The following CSMD1 variants were observed in gnomAD, a reference collection of about 807,000 sequenced individuals.
CSMD1 encodes the protein CUB and Sushi multiple domains 1, also known as CUB and sushi domain-containing protein 1.
CSMD1 carries 213 observed loss-of-function variants against 417.5 expected under a neutral mutation model. The ratio of observed to expected loss-of-function variants is 0.51; its 90% CI spans 0.46 to 0.57. CSMD1 has a LOEUF of 0.57. Among genes scored for constraint, CSMD1 ranks in the 20% least tolerant of loss-of-function variants. The pLI, the probability that CSMD1 is intolerant of heterozygous loss-of-function variation, is 0.00. For synonymous variants in CSMD1, 2,862 were observed against 1,736.8 expected (o/e 1.65, Z -16.11); for missense variants, 6,923 against 4,529.7 (o/e 1.53, Z -15.17).
intron 5 of CSMD1, among the ~76,000 whole-genome samples, chr8:3,880,929 C>A (rs977961236): frequency 1.5e-4 from 23 of 152,106 alleles, no homozygotes; most frequent in African/African-American, 1.2e-4. Flanking sequence ...CCAAGTATTA[C>A]ATTGGATGCA....
At chr8:4,249,620 C>T (rs1413027311) in intron 3 of CSMD1, among the ~76,000 whole-genome samples, 1 of 152,286 alleles carries the variant, frequency 6.6e-6, no homozygotes, top group East Asian at 1.9e-4. Context: ...AATGTTTTCT[C>T]TGCTCAACAC....
chr8:3,575,214 G>A (rs951788496), intron 9 of CSMD1, 148 bp from the exon 10 acceptor site: 4 of 825,032 alleles, frequency 4.8e-6, no homozygotes, highest in African/African-American at 1.7e-5. Context: ...ACTGGGGCAT[G>A]GACTCCAGTC....
rs182694791 is a variant in CSMD1 at position 4,295,282 on chromosome 8, A to G, written c.415+124671T>C. 3.7e-3 allele frequency among the ~76,000 whole-genome samples: 385 copies of G among 105,102 alleles called. 1 individual carries two copies. Among genetic ancestry groups the G allele is most frequent in the African/African-American group, 0.012 (369 of 32,052 alleles). The allele number at this position is 105,102 out of a possible 152,430, so 69.0% of individuals were successfully genotyped here. A position where few individuals can be genotyped will look rare whatever the true frequency, so the allele number is the denominator to read the frequency against. On this transcript the variant is annotated intron_variant, in intron 3 of 69. Coordinates refer to ENST00000635120, the MANE Select transcript of CSMD1 (RefSeq NM_033225.6). ...TCTATATAATCTTAAGATTATATGC[A>G]CATATAATCTTAAGATTATCTATAT... is the stretch of plus-strand genomic sequence containing the variant.
At position 4,155,117 on chromosome 8, in the gene CSMD1, C is replaced by G. The variant is rs61413053; in HGVS notation, c.416-123018G>C. 7.7e-3 allele frequency among the ~76,000 whole-genome samples: 1,168 copies of G among 152,286 alleles called. 18 individuals carry two copies. Among genetic ancestry groups the G allele is most frequent in the African/African-American group, 0.021 (883 of 41,546 alleles). ...ATGCCTACAGTGGCCACATGACGCG[C>G]ATGCACTATTGTTCCCATGCTACAG... is the stretch of plus-strand genomic sequence containing the variant. On this transcript the variant is annotated intron_variant, in intron 3 of 69. Coordinates refer to ENST00000635120, the MANE Select transcript of CSMD1 (RefSeq NM_033225.6).
chr8:4,765,992 T>A (rs1025062400), intron 1 of CSMD1, among the ~76,000 whole-genome samples: 1 of 152,342 alleles, frequency 6.6e-6, no homozygotes, highest in South Asian at 2.1e-4. Context: ...ATGTATTACA[T>A]AGTTTGGCAT....
intron 18 of CSMD1, among the ~76,000 whole-genome samples, chr8:3,373,188 A>G (rs538866544): frequency 5.3e-4 from 81 of 152,288 alleles, no homozygotes; most frequent in Middle Eastern, 3.4e-3. Context: ...ATCAATCTTT[A>G]TTTTATCCTC....
intron 1 of CSMD1, among the ~76,000 whole-genome samples, chr8:4,696,575 A>G (rs972817473): frequency 9.9e-5 from 15 of 152,224 alleles, no homozygotes; most frequent in Non-Finnish European, 1.9e-4. Context: ...TGATATAGGA[A>G]TAACAGTTAA....
At chr8:3,959,235 C>T (rs772721122) in intron 5 of CSMD1, among the ~76,000 whole-genome samples, 2 of 152,196 alleles carry the variant, frequency 1.3e-5, no homozygotes, top group South Asian at 2.1e-4. Context: ...CAGGGTGGGA[C>T]ACGTGTGTAA....
intron 3 of CSMD1, among the ~76,000 whole-genome samples, chr8:4,192,499 G>C (rs1168001491): frequency 6.6e-6 from 1 of 151,662 alleles, no homozygotes; most frequent in Non-Finnish European, 1.5e-5. Context: ...ATAAACTAAA[G>C]CCCGTTTAAG....
At chr8:4,904,460 G>A (rs762599586) in intron 1 of CSMD1, among the ~76,000 whole-genome samples, 5 of 152,148 alleles carry the variant, frequency 3.3e-5, no homozygotes, top group Admixed American at 1.3e-4. Context: ...TAAGAGACAT[G>A]TTCAAAGTCA....
intron 6 of CSMD1, among the ~76,000 whole-genome samples, chr8:3,720,913 T>A (rs1381002069): frequency 1.3e-5 from 2 of 152,082 alleles, no homozygotes; most frequent in Non-Finnish European, 1.5e-5. Context: ...CTTCCCGGGT[T>A]CAAGTGTTTC....
chr8:3,318,011 G>A (rs62504767), intron 23 of CSMD1, among the ~76,000 whole-genome samples: 12,612 of 152,106 alleles, frequency 0.083, 671 homozygotes, highest in Non-Finnish European at 0.12. Flanking sequence ...GGGTTTCCCC[G>A]GCTGGGCTCA....
At chr8:4,625,957 C>G (rs1802080908) in intron 2 of CSMD1, among the ~76,000 whole-genome samples, 1 of 152,156 alleles carries the variant, frequency 6.6e-6, no homozygotes, top group South Asian at 2.1e-4. Flanking sequence ...CTCCTGACCT[C>G]TAGTGATCTG....
chr8:3,688,995 T>G (rs184364679), intron 7 of CSMD1, among the ~76,000 whole-genome samples: 1 of 152,186 alleles, frequency 6.6e-6, no homozygotes, highest in Non-Finnish European at 1.5e-5. Flanking sequence ...TTCGAGGCTC[T>G]GCATAGAGTT....
chr8:3,643,632 T>C (rs530542339), intron 7 of CSMD1, among the ~76,000 whole-genome samples: 97 of 132,012 alleles, frequency 7.3e-4, no homozygotes, highest in Non-Finnish European at 1.1e-3. Context: ...ACCCGGGAGG[T>C]GGAGCTTGCA....
intron 7 of CSMD1, among the ~76,000 whole-genome samples, chr8:3,692,272 G>C (rs1800291152): frequency 6.6e-6 from 1 of 152,008 alleles, no homozygotes; most frequent in Admixed American, 6.6e-5. Context: ...GATTTCACCA[G>C]CACCACCACA....
intron 12 of CSMD1, among the ~76,000 whole-genome samples, chr8:3,453,276 A>C (rs1815871502): frequency 6.6e-6 from 1 of 151,570 alleles, no homozygotes; most frequent in Non-Finnish European, 1.5e-5. Flanking sequence ...TCCTGGATTC[A>C]TTTTTTTTGA....
At position 3,484,595 on chromosome 8, in the gene CSMD1, T is replaced by G. The variant is rs182934813; in HGVS notation, c.1448+9028A>C. 1.2e-3 allele frequency among the ~76,000 whole-genome samples: 179 copies of G among 152,214 alleles called. 1 individual carries two copies. Among genetic ancestry groups the G allele is most frequent in the Non-Finnish European group, 2.3e-3 (157 of 68,026 alleles). ...GGGAAAGCCCATAAACTAGACTTCA[T>G]CAAAATTAAAAGCTTTTGCCATGTG... On this transcript the variant is annotated intron_variant, in intron 11 of 69. Transcript: ENST00000635120.
intron 3 of CSMD1, among the ~76,000 whole-genome samples, chr8:4,361,179 A>G (rs1801737686): frequency 6.6e-6 from 1 of 152,220 alleles, no homozygotes; most frequent in Non-Finnish European, 1.5e-5. Flanking sequence ...TAGACTTATT[A>G]AGCTGTGAGG....
Sources: allele counts gnomAD v4.1 joint callset (sites outside exome capture counted in the v4.1 genomes callset), GRCh38; gene constraint gnomAD v4.1.1; transcripts MANE v1.5; gene names NCBI Gene and HGNC (gene_info 2026-07-23, HGNC 2026-07-21).